SLC39A12: variants seen among roughly 807,000 people sequenced by gnomAD.
SLC39A12 encodes the protein solute carrier family 39 member 12.
A neutral mutation model predicts 71.1 loss-of-function variants in SLC39A12; 63 were observed. That is an observed-to-expected ratio of 0.89 (90% CI 0.72 to 1.09). The LOEUF (loss-of-function observed/expected upper bound fraction) is 1.09. Among genes scored for constraint, SLC39A12 ranks in the 50% least tolerant of loss-of-function variants. The pLI, the probability that SLC39A12 is intolerant of heterozygous loss-of-function variation, is 0.00. For synonymous variants in SLC39A12, 351 were observed against 301.3 expected, an observed-to-expected ratio of 1.16 and a Z score of -1.71; for missense variants, 892 against 812.6, an observed-to-expected ratio of 1.10 and a Z score of -1.19.
intron 10 of SLC39A12, among the ~76,000 whole-genome samples, chr10:17,998,511 A>G (rs979407013): frequency 6.6e-6 from 1 of 152,160 alleles, no homozygotes; most frequent in Admixed American, 6.5e-5. Context: ...TTGGTTTCTG[A>G]GAGTTTCCAG....
chr10:18,019,779 C>T (rs1385919624), intron 12 of SLC39A12, among the ~76,000 whole-genome samples: 2 of 151,894 alleles, frequency 1.3e-5, no homozygotes, highest in East Asian at 3.9e-4. Flanking sequence ...AGTTGTATGA[C>T]TTCTATTATT....
Position 18,029,510 on chromosome 10 carries a change from C to G in SLC39A12, c.1948-13195C>G, listed in dbSNP as rs367848448. Reference sequence around the variant, plus strand: ...AGTGGTAAAAAAGGAAGTTACTTCTCTACTTCAAGGTTTCCAAGTTTCTGG... The same window carrying G: ...AGTGGTAAAAAAGGAAGTTACTTCTGTACTTCAAGGTTTCCAAGTTTCTGG... On this transcript the variant is annotated intron_variant, in intron 12 of 12. Transcript: ENST00000377369. 2.6e-5 allele frequency among the ~76,000 whole-genome samples: 4 copies of G among 152,220 alleles called. No individual in the cohort carries two copies. The East Asian group carries it at 5.8e-4, about 22-fold the overall frequency.
At chr10:18,011,956 C>T (rs1162286542) in intron 12 of SLC39A12, among the ~76,000 whole-genome samples, 5 of 152,136 alleles carry the variant, frequency 3.3e-5, no homozygotes, top group East Asian at 1.9e-4. Flanking sequence ...GAATAGCCTC[C>T]GGGTTGGCTA....
intron 12 of SLC39A12, among the ~76,000 whole-genome samples, chr10:18,007,811 T>C (rs781731502): frequency 3.9e-5 from 6 of 152,226 alleles, no homozygotes; most frequent in African/African-American, 7.2e-5. Flanking sequence ...GAGACTTTGC[T>C]GGTTTCCTTA....
At chr10:17,972,505 TC>T (rs1170063954) in intron 4 of SLC39A12, among the ~76,000 whole-genome samples, 1 of 152,192 alleles carries the variant, frequency 6.6e-6, no homozygotes. Flanking sequence ...GCTTTATGTA[TC>T]TGGGTGCTCC....
chr10:18,008,584 A>G (rs1331973806), intron 12 of SLC39A12: 1 of 152,220 alleles, frequency 6.6e-6, no homozygotes, highest in Admixed American at 6.5e-5. Context: ...ATTGTCTTCC[A>G]TGAAACCAGT....
chr10:17,988,823 G>A (rs1458577247), intron 7 of SLC39A12, among the ~76,000 whole-genome samples: 5 of 152,144 alleles, frequency 3.3e-5, no homozygotes, highest in African/African-American at 1.2e-4. Flanking sequence ...ACAGCTCCAC[G>A]GCTCACTGGC....
chr10:17,993,077 C>G (rs1835595222), intron 8 of SLC39A12, 104 bp from the exon 9 acceptor site: 1 of 684,224 alleles, frequency 1.5e-6, no homozygotes, highest in Non-Finnish European at 2.4e-6. Flanking sequence ...TTTGTGGCAA[C>G]TACCATTTTG....
chr10:18,024,136 C>T (rs761716057), intron 12 of SLC39A12, among the ~76,000 whole-genome samples: 4 of 152,108 alleles, frequency 2.6e-5, no homozygotes, highest in Non-Finnish European at 4.4e-5. Context: ...GTCGGGGTCC[C>T]AGGCCAGTGG....
chr10:17,959,234 G>A (rs1045689484), intron 2 of SLC39A12, among the ~76,000 whole-genome samples: 9 of 151,590 alleles, frequency 5.9e-5, no homozygotes, highest in African/African-American at 4.9e-5. Flanking sequence ...TTTTCTTCTG[G>A]GCTACTTAGG....
Position 18,043,215 on chromosome 10 carries a change from T to C in SLC39A12, c.*382T>C, listed in dbSNP as rs1837308154. ...TCAACTGCAACTTTTTGATGTTAAT[T>C]TTTTTCCCTGTGCAATTATAAACTA... is the stretch of plus-strand genomic sequence containing the variant. On this transcript the variant is annotated 3_prime_UTR_variant, in exon 13 of 13. Transcript: ENST00000377369. 1.3e-5 allele frequency: 2 copies of C among 154,264 alleles called. No individual in the cohort carries two copies. The highest frequency in any genetic ancestry group is 2.9e-5 in the Non-Finnish European group (2 of 69,276). The allele number at this position is 154,264 out of a possible 1,614,324, so 9.6% of individuals were successfully genotyped here. A position where few individuals can be genotyped will look rare whatever the true frequency, so the allele number is the denominator to read the frequency against.
intron 12 of SLC39A12, among the ~76,000 whole-genome samples, chr10:18,034,436 T>G (rs1056373861): frequency 2.6e-5 from 4 of 152,358 alleles, no homozygotes; most frequent in South Asian, 2.1e-4. Context: ...TTTGCTGGTT[T>G]AAAGTCTGTT....
At chr10:17,977,842 T>G in intron 4 of SLC39A12, 60 bp from the exon 5 acceptor site, 1 of 1,234,432 alleles carries the variant, frequency 8.1e-7, no homozygotes, top group Non-Finnish European at 1.1e-6. Flanking sequence ...CTATGTGAAA[T>G]TGTGACTATT....
intron 7 of SLC39A12, among the ~76,000 whole-genome samples, chr10:17,990,266 C>T (rs1835509625): frequency 6.6e-6 from 1 of 151,994 alleles, no homozygotes; most frequent in African/African-American, 2.4e-5. Context: ...GTGATATTTG[C>T]ATACACAACA....
At chr10:18,027,961 G>GC (rs1036583668) in intron 12 of SLC39A12, among the ~76,000 whole-genome samples, 39 of 152,280 alleles carry the variant, frequency 2.6e-4, no homozygotes, top group African/African-American at 7.2e-4. Context: ...TAATTAGGAT[G>GC]CCCCCCAAGA....
chr10:18,035,369 A>G (rs1174685293), intron 12 of SLC39A12, among the ~76,000 whole-genome samples: 1 of 133,986 alleles, frequency 7.5e-6, no homozygotes, highest in Non-Finnish European at 1.6e-5. Flanking sequence ...TTTTCTCTAA[A>G]CTTCCCTTCT....
intron 3 of SLC39A12, among the ~76,000 whole-genome samples, chr10:17,963,854 AAG>A (rs1834755188): frequency 6.6e-6 from 1 of 152,186 alleles, no homozygotes; most frequent in Non-Finnish European, 1.5e-5. Context: ...CAAGATCCCC[AAG>A]AGAATCAACT....
rs782445460 is a variant in SLC39A12 at position 17,953,572 on chromosome 10, A to G, written c.261+35A>G. 6.9e-6 allele frequency: 11 copies of G among 1,605,154 alleles called. No individual in the cohort carries two copies. In the Admixed American group the frequency reaches 8.5e-5, roughly 12 times the overall value. On this transcript the variant is annotated intron_variant, in intron 2 of 12. Transcript: ENST00000377369. ...ATAGAATGGGGTCAGGTATCAGGGC[A>G]TGTCCAAAAGAAAGCAATGGATTCT...
At chr10:17,999,516 C>T (rs948677663) in intron 10 of SLC39A12, among the ~76,000 whole-genome samples, 3 of 152,096 alleles carry the variant, frequency 2.0e-5, no homozygotes, top group Non-Finnish European at 2.9e-5. Context: ...GTTTGTGAGT[C>T]GTTCAACTCT....
Sources: gnomAD v4.1 joint callset for allele counts (sites outside exome capture counted in the v4.1 genomes callset) on GRCh38, gnomAD v4.1.1 for gene constraint, MANE v1.5 for transcripts, NCBI Gene and HGNC (gene_info 2026-07-23, HGNC 2026-07-21) for gene names.